Variants in SH3RF3 observed in about 807,000 individuals in gnomAD.
The protein encoded by SH3RF3 is SH3 domain containing ring finger 3.
In SH3RF3, 29 loss-of-function variants were observed where a neutral mutation model predicts 66.3. That is an observed-to-expected ratio of 0.44 (90% confidence interval 0.33 to 0.60). The LOEUF is 0.60. Among genes scored for constraint, SH3RF3 ranks in the 20% least tolerant of loss-of-function variants. The pLI, the probability that SH3RF3 is intolerant of heterozygous loss-of-function variation, is 0.04. For synonymous variants in SH3RF3, 583 were observed against 532.0 expected, an observed-to-expected ratio of 1.10 and a Z score of -1.32; for missense variants, 1,194 against 1,190.9, an observed-to-expected ratio of 1.00 and a Z score of -0.04.
chr2:109,153,561 A>G (rs1574477116), intron 1 of SH3RF3, among the ~76,000 whole-genome samples: 1 of 152,210 alleles, frequency 6.6e-6, no homozygotes, highest in African/African-American at 2.4e-5. Flanking sequence ...TCACCGGGTC[A>G]CCTGCCCCAG....
At chr2:109,294,723 C>A (rs187814481) in intron 1 of SH3RF3, among the ~76,000 whole-genome samples, 74 of 152,160 alleles carry the variant, frequency 4.9e-4, no homozygotes, top group African/African-American at 1.4e-3. Context: ...CACAGCCCTA[C>A]AGGGGAAGCT....
chr2:109,194,367 G>C (rs962452253), intron 1 of SH3RF3, among the ~76,000 whole-genome samples: 2 of 152,250 alleles, frequency 1.3e-5, no homozygotes, highest in Non-Finnish European at 2.9e-5. Flanking sequence ...CTGTGTGTCT[G>C]CTGCCACCCC....
Position 109,176,699 on chromosome 2 carries a change from C to T in SH3RF3, c.573+46586C>T, listed in dbSNP as rs533992982. Reference sequence around the variant, plus strand: ...TTTCAGTGAGCTATGATGGTGTCACCGCACTCTAGCCTGGGTCACAGAGCC... The same window carrying T: ...TTTCAGTGAGCTATGATGGTGTCACTGCACTCTAGCCTGGGTCACAGAGCC... On this transcript the variant is annotated intron_variant, in intron 1 of 9. Coordinates refer to ENST00000309415, the MANE Select transcript of SH3RF3 (RefSeq NM_001099289.3). Among the ~76,000 whole-genome samples the T allele has an allele frequency of 8.5e-5, 13 of 152,158 alleles. 1 individual carries two copies. The highest frequency in any genetic ancestry group is 6.2e-4 in the South Asian group (3 of 4,810).
intron 8 of SH3RF3, among the ~76,000 whole-genome samples, chr2:109,489,975 T>G (rs1306887915): frequency 6.6e-6 from 1 of 152,192 alleles, no homozygotes; most frequent in East Asian, 1.9e-4. Context: ...TGACCTCAAG[T>G]GATCTGCCCA....
intron 1 of SH3RF3, among the ~76,000 whole-genome samples, chr2:109,295,607 C>T (rs1244854773): frequency 6.6e-6 from 1 of 152,334 alleles, no homozygotes; most frequent in East Asian, 1.9e-4. Flanking sequence ...CTTGTAGCCA[C>T]CTGCAAGTGC....
intron 1 of SH3RF3, among the ~76,000 whole-genome samples, chr2:109,258,549 C>T (rs1433321150): frequency 6.6e-6 from 1 of 152,150 alleles, no homozygotes; most frequent in Non-Finnish European, 1.5e-5. Context: ...GGTGGTGCCA[C>T]CAATCCTTGT....
chr2:109,302,077 G>A (rs567019675), intron 1 of SH3RF3, among the ~76,000 whole-genome samples: 4 of 152,300 alleles, frequency 2.6e-5, no homozygotes, highest in Admixed American at 2.6e-4. Flanking sequence ...TCTGCCCACT[G>A]TGTCTTCTCT....
chr2:109,444,229 G>C (rs886070044), intron 7 of SH3RF3, among the ~76,000 whole-genome samples: 1 of 152,162 alleles, frequency 6.6e-6, no homozygotes, highest in Admixed American at 6.5e-5. Flanking sequence ...CAGTGAACTT[G>C]GGAAGCTAAC....
At chr2:109,252,512 A>T (rs963168949) in intron 1 of SH3RF3, among the ~76,000 whole-genome samples, 1 of 152,046 alleles carries the variant, frequency 6.6e-6, no homozygotes, top group African/African-American at 2.4e-5. Context: ...GGGACTGAGG[A>T]GTTTCTTGGG....
At chr2:109,418,340 G>A (rs572591729) in intron 4 of SH3RF3, among the ~76,000 whole-genome samples, 1 of 152,262 alleles carries the variant, frequency 6.6e-6, no homozygotes, top group African/African-American at 2.4e-5. Context: ...CCACAAACTA[G>A]GTGGCTAAAA....
chr2:109,463,969 TC>T (rs1678271891), intron 8 of SH3RF3, among the ~76,000 whole-genome samples: 1 of 151,936 alleles, frequency 6.6e-6, no homozygotes, highest in African/African-American at 2.4e-5. Context: ...TGGCAAGAGG[TC>T]ACCAGGAGAG....
chr2:109,435,110 C>G (rs6714868), intron 6 of SH3RF3, among the ~76,000 whole-genome samples: 2,375 of 152,266 alleles, frequency 0.016, 63 homozygotes, highest in African/African-American at 0.054. Flanking sequence ...CAAATCTAGC[C>G]CCGGTAACTG....
chr2:109,467,532 C>T (rs1431384032), intron 8 of SH3RF3, among the ~76,000 whole-genome samples: 1 of 152,172 alleles, frequency 6.6e-6, no homozygotes, highest in East Asian at 1.9e-4. Flanking sequence ...GTGAGGGCAG[C>T]GGCAATGCAC....
intron 1 of SH3RF3, among the ~76,000 whole-genome samples, chr2:109,188,474 G>A (rs984870445): frequency 6.6e-6 from 1 of 152,192 alleles, no homozygotes; most frequent in Non-Finnish European, 1.5e-5. Flanking sequence ...GTTTCCCCCT[G>A]GGGTTTGTGT....
intron 1 of SH3RF3, among the ~76,000 whole-genome samples, chr2:109,185,350 T>A (rs1454820708): frequency 6.6e-6 from 1 of 152,232 alleles, no homozygotes; most frequent in Non-Finnish European, 1.5e-5. Context: ...AAGATTGGAT[T>A]GTTAGAGCAT....
At chr2:109,213,324 C>G (rs1221124831) in intron 1 of SH3RF3, among the ~76,000 whole-genome samples, 3 of 152,170 alleles carry the variant, frequency 2.0e-5, no homozygotes, top group Non-Finnish European at 2.9e-5. Flanking sequence ...ATGTGTACGC[C>G]AAACGCAGCC....
chr2:109,425,471 G>A (rs533655444), intron 5 of SH3RF3, among the ~76,000 whole-genome samples: 1 of 152,324 alleles, frequency 6.6e-6, no homozygotes, highest in South Asian at 2.1e-4. Flanking sequence ...TGGCTTCAAA[G>A]CTTTAAAGGA....
intron 4 of SH3RF3, among the ~76,000 whole-genome samples, chr2:109,410,844 A>T (rs543372960): frequency 1.1e-4 from 12 of 112,702 alleles, no homozygotes; most frequent in Admixed American, 1.6e-4. Context: ...TTGAAGTCGG[A>T]GCAGAGATTT....
chr2:109,496,283 G>C (rs375006814), intron 9 of SH3RF3, among the ~76,000 whole-genome samples: 4 of 152,230 alleles, frequency 2.6e-5, no homozygotes, highest in African/African-American at 9.6e-5. Context: ...GCTAGCTACA[G>C]AGCGCTGATT....
Sources: allele counts gnomAD v4.1 joint callset (sites outside exome capture counted in the v4.1 genomes callset), GRCh38; gene constraint gnomAD v4.1.1; transcripts MANE v1.5; gene names NCBI Gene and HGNC (gene_info 2026-07-23, HGNC 2026-07-21).